Variants in EFCAB13 observed in about 807,000 individuals in gnomAD.
EFCAB13 encodes the protein EF-hand calcium-binding domain-containing protein 13.
In EFCAB13, 91 loss-of-function variants were observed where a neutral mutation model predicts 110.2. The ratio of observed to expected loss-of-function variants is 0.83; its 90% CI spans 0.70 to 0.98. The LOEUF is 0.98. Among genes scored for constraint, EFCAB13 ranks in the 50% least tolerant of loss-of-function variants. EFCAB13 has a pLI of 0.00. For missense variants in EFCAB13, 968 were observed against 1,119.4 expected, an observed-to-expected ratio of 0.86 and a Z score of 1.93; for synonymous variants, 323 against 369.9, an observed-to-expected ratio of 0.87 and a Z score of 1.45.
At position 47,410,118 on chromosome 17, in the gene EFCAB13, T is replaced by TAA. The variant is rs113027978; in HGVS notation, c.2278+438_2278+439dup. Among the ~76,000 whole-genome samples the TAA allele has an allele frequency of 1.2e-4, 17 of 140,572 alleles. No homozygotes were observed. The South Asian group carries it at 2.0e-3, about 17-fold the overall frequency. 92.2% of individuals were successfully genotyped at this position (140,572 alleles called of 152,430 possible). ...AATACCACAGACTGGATAATTTGTA[T>TAA]AAAAAAAAAAAAGAGATTCATTTCT... On this transcript the variant is annotated intron_variant, in intron 21 of 24. Transcript: ENST00000331493.
In EFCAB13 at chr17:47,441,029, A is replaced by G. The variant is rs539122444; in HGVS notation, c.*315A>G. The G allele has an allele frequency of 5.9e-6, 1 of 168,138 alleles. No homozygotes were observed. The highest frequency in any genetic ancestry group is 1.8e-4 in the South Asian group (1 of 5,462). 10.4% of individuals were successfully genotyped at this position (168,138 alleles called of 1,614,324 possible). ...CATATAGACTATATTATCCCCCAGAAGTCTCTTATGCCCTTTTGGTAATCC... is the reference window on the plus strand; with the variant it reads ...CATATAGACTATATTATCCCCCAGAGGTCTCTTATGCCCTTTTGGTAATCC... On this transcript the variant is annotated 3_prime_UTR_variant, in exon 25 of 25. Transcript: ENST00000331493.
At chr17:47,331,190 GT>G (rs1165537730) in intron 4 of EFCAB13, among the ~76,000 whole-genome samples, 4 of 152,010 alleles carry the variant, frequency 2.6e-5, no homozygotes, top group African/African-American at 9.7e-5. Flanking sequence ...TGGATGTATA[GT>G]TTGCAAATAT....
At chr17:47,342,732 C>G (rs1056122041) in intron 6 of EFCAB13, among the ~76,000 whole-genome samples, 1 of 151,904 alleles carries the variant, frequency 6.6e-6, no homozygotes, top group Non-Finnish European at 1.5e-5. Flanking sequence ...TTTACTGTCC[C>G]TTTGTATCTT....
Position 47,344,234 on chromosome 17 carries a change from A to C in EFCAB13, c.376A>C (p.Asn126His), listed in dbSNP as rs138567967. The change falls in exon 7 of 25, where the codon AAT (asparagine) becomes CAT (histidine). Residue 126 changes from asparagine to histidine, a missense_variant. By Grantham distance (68) the Asn-to-His change is moderately conservative (BLOSUM62 1). Coordinates refer to ENST00000331493, the MANE Select transcript of EFCAB13 (RefSeq NM_152347.5). ...RKENSLCKLP[N>H]QYSVHKTSSP... is the part of the protein sequence containing the mutation. ...AGAAAACTCTTTATGCAAGTTGCCGAATCAGTACAGCGTTCACAAGACTTC... is the reference window on the plus strand; with the variant it reads ...AGAAAACTCTTTATGCAAGTTGCCGCATCAGTACAGCGTTCACAAGACTTC... 1.2e-6 allele frequency: 2 copies of C among 1,613,362 alleles called. No individual in the cohort carries two copies. The highest frequency in any genetic ancestry group is 3.3e-5 in the Admixed American group (2 of 59,998).
intron 9 of EFCAB13, among the ~76,000 whole-genome samples, chr17:47,357,615 A>G (rs1289405636): frequency 6.6e-6 from 1 of 152,124 alleles, no homozygotes; most frequent in Non-Finnish European, 1.5e-5. Context: ...GGATTTCACC[A>G]TGTTGGCCAG....
intron 17 of EFCAB13, among the ~76,000 whole-genome samples, chr17:47,398,360 G>A (rs1433748730): frequency 1.1e-4 from 17 of 150,648 alleles, no homozygotes; most frequent in African/African-American, 4.1e-4. Context: ...TCTGGGAGGT[G>A]TACCCAACAG....
intron 15 of EFCAB13, among the ~76,000 whole-genome samples, chr17:47,392,995 T>C (rs966918914): frequency 1.3e-5 from 2 of 152,142 alleles, no homozygotes; most frequent in African/African-American, 4.8e-5. Flanking sequence ...ACAGATATTA[T>C]AGAAGTTTTC....
At chr17:47,351,662 G>A in intron 9 of EFCAB13, among the ~76,000 whole-genome samples, 1 of 152,048 alleles carries the variant, frequency 6.6e-6, no homozygotes, top group East Asian at 1.9e-4. Context: ...ATCTGTTTGA[G>A]TTCTTGGTAC....
chr17:47,334,102 A>T (rs760217329), intron 4 of EFCAB13, among the ~76,000 whole-genome samples: 10 of 151,544 alleles, frequency 6.6e-5, no homozygotes, highest in Non-Finnish European at 1.2e-4. Flanking sequence ...TGTCTTCTTC[A>T]GTTTCCTTTA....
chr17:47,344,623 A>C (rs1162108633), intron 7 of EFCAB13, among the ~76,000 whole-genome samples: 1 of 152,122 alleles, frequency 6.6e-6, no homozygotes. Context: ...ATAGTATTAG[A>C]TAAATCATCT....
At position 47,395,855 on chromosome 17, in the gene EFCAB13, C is replaced by A. The variant is rs753459471; in HGVS notation, c.1823C>A (p.Thr608Asn). 3 of 1,608,360 alleles carry A rather than the reference C, an allele frequency of 1.9e-6. No individual in the cohort carries two copies. In the South Asian group the frequency reaches 3.3e-5, roughly 18 times the overall value. The change falls in exon 17 of 25, where the codon ACC becomes AAC. Residue 608 changes from threonine (T) to asparagine (N), a missense_variant. By Grantham distance (65) the Thr-to-Asn change is moderately conservative. Transcript: ENST00000331493. ...TTAGTATTGCCTGATGCTATTGAAA[C>A]CCTCGACGATCTCAGAAAGGAGACG... The part of the protein sequence containing the change: ...EKLVLPDAIE[T>N]LDDLRKETMS...
Position 47,412,936 on chromosome 17 carries a change from G to A in EFCAB13, c.2422+20G>A. On this transcript the variant is annotated intron_variant, in intron 22 of 24. Transcript: ENST00000331493. The stretch of plus-strand genomic sequence containing the variant: ...TCAGTGGTGAGCATTTTTTTGGCCT[G>A]AGATTCTTTTCATTTTTTTTCTACT... 3.1e-6 allele frequency: 5 copies of A among 1,594,822 alleles called. No individual in the cohort carries two copies. Among genetic ancestry groups the A allele is most frequent in the Non-Finnish European group, 4.3e-6 (5 of 1,170,472 alleles).
chr17:47,408,177 G>T lies in EFCAB13; in HGVS notation c.2234-1470G>T, dbSNP rs566184503. Among the ~76,000 whole-genome samples the T allele has an allele frequency of 9.9e-5, 15 of 152,274 alleles. No individual in the cohort carries two copies. The South Asian group carries it at 3.1e-3, about 32-fold the overall frequency. On this transcript the variant is annotated intron_variant, in intron 20 of 24. Coordinates refer to ENST00000331493, the MANE Select transcript of EFCAB13 (RefSeq NM_152347.5). ...ATGAAAGGCCCTTTGAGAAGTGCAA[G>T]GTATTGTTGAAAAATTAATGTTTAT...
chr17:47,383,538 C>T (rs965490108), intron 14 of EFCAB13, among the ~76,000 whole-genome samples: 1 of 152,148 alleles, frequency 6.6e-6, no homozygotes, highest in Non-Finnish European at 1.5e-5. Context: ...TCATTATTTA[C>T]CCAGTAGTCA....
intron 14 of EFCAB13, among the ~76,000 whole-genome samples, chr17:47,385,334 G>T (rs576353404): frequency 6.6e-6 from 1 of 151,914 alleles, no homozygotes; most frequent in Non-Finnish European, 1.5e-5. Flanking sequence ...TGGAGGCTTC[G>T]TTCATTCCTT....
chr17:47,429,765 A>G, intron 23 of EFCAB13, 53 bp from the exon 24 acceptor site: 1 of 1,509,230 alleles, frequency 6.6e-7, no homozygotes, highest in Non-Finnish European at 8.9e-7. Flanking sequence ...ATAACTAATA[A>G]CATATGCTCT....
chr17:47,414,708 A>G (rs1416665924), intron 22 of EFCAB13, 140 bp from the exon 23 acceptor site: 3 of 652,232 alleles, frequency 4.6e-6, no homozygotes, highest in South Asian at 1.7e-5. Flanking sequence ...TAAAAGTTCT[A>G]TTGAAATAGT....
intron 9 of EFCAB13, among the ~76,000 whole-genome samples, chr17:47,358,365 AAG>A (rs142433673): frequency 0.012 from 1,810 of 152,278 alleles, 22 homozygotes; most frequent in Middle Eastern, 0.02. Flanking sequence ...TTAAGAGAAA[AAG>A]AAATTTTGCC....
At chr17:47,374,409 A>G (rs1340912592) in intron 11 of EFCAB13, 63 bp from the exon 12 acceptor site, 2 of 1,317,828 alleles carry the variant, frequency 1.5e-6, no homozygotes, top group East Asian at 2.6e-5. Flanking sequence ...CTTAGTTGTT[A>G]TTTTTGAAAT....
Sources: gnomAD v4.1 joint callset for allele counts (sites outside exome capture counted in the v4.1 genomes callset) on GRCh38, gnomAD v4.1.1 for gene constraint, MANE v1.5 for transcripts, NCBI Gene and HGNC (gene_info 2026-07-23, HGNC 2026-07-21) for gene names.